Variants in MCM2 observed in about 807,000 individuals in gnomAD.
MCM2 encodes minichromosome maintenance complex component 2.
Under a neutral mutation model 86.4 loss-of-function variants are expected in MCM2, and 49 were observed. The ratio of observed to expected loss-of-function variants is 0.57; its 90% CI spans 0.45 to 0.72. The LOEUF (loss-of-function observed/expected upper bound fraction) is 0.72, where lower values mean the gene tolerates loss of function less well. Among genes scored for constraint, MCM2 ranks in the 30% least tolerant of loss-of-function variants. MCM2 has a pLI of 0.00. For missense variants in MCM2, 1,038 were observed against 1,259.9 expected (o/e 0.82, Z 2.67); for synonymous variants, 475 against 484.6 (o/e 0.98, Z 0.26).
chr3:127,608,530 G>A lies in MCM2; in HGVS notation c.1236+14G>A. On this transcript the variant is annotated intron_variant, in intron 7 of 15. Transcript: ENST00000265056. Reference sequence around the variant, plus strand: ...GGAGACGAGATAGTAAGTGGCCGGGGCAGGCTGGGAGGGAGCCAAGTTGCA... The same window carrying A: ...GGAGACGAGATAGTAAGTGGCCGGGACAGGCTGGGAGGGAGCCAAGTTGCA... The A allele has an allele frequency of 6.2e-7, 1 of 1,613,950 alleles. No homozygotes were observed.
chr3:127,620,795 A>G lies in MCM2; in HGVS notation c.2363A>G (p.Glu788Gly). The G allele has an allele frequency of 6.2e-7, 1 of 1,614,144 alleles. No homozygotes were observed. Among genetic ancestry groups the G allele is most frequent in the African/African-American group, 1.3e-5 (1 of 75,080 alleles). ...ARIHLRDYVI[E>G]DDVNMAIRVM... is the part of the protein sequence containing the mutation. ...ATCCATCTGCGGGACTATGTGATCGAAGACGACGTCAACATGGCCATCCGC... is the reference window on the plus strand; with the variant it reads ...ATCCATCTGCGGGACTATGTGATCGGAGACGACGTCAACATGGCCATCCGC... Residue 788 changes from glutamate to glycine, a missense_variant, in exon 14 of 16, where the codon GAA (glutamate) becomes GGA (glycine). This residue lies in a region of MCM2 where 336 missense variants were observed against 425.7 expected (regional missense o/e 0.79). Coordinates refer to ENST00000265056, the MANE Select transcript of MCM2 (RefSeq NM_004526.4).
rs182889161 is a variant in MCM2 at position 127,605,388 on chromosome 3, A to T, written c.673+232A>T. Among the ~76,000 whole-genome samples, 11 of 151,240 alleles carry T rather than the reference A, an allele frequency of 7.3e-5. No homozygotes were observed. The East Asian group carries it at 1.9e-3, about 27-fold the overall frequency. On this transcript the variant is annotated intron_variant, in intron 4 of 15. Coordinates refer to ENST00000265056, the MANE Select transcript of MCM2 (RefSeq NM_004526.4). ...AAGCTTGAAAATGGACAGATTTTAT[A>T]TAAAAATCTGGATTACTACTTTGAT...
rs772611484 is a variant in MCM2 at position 127,620,764 on chromosome 3, G to A, written c.2332G>A (p.Ala778Thr). Residue 778 changes from alanine to threonine, a missense_variant, in exon 14 of 16, where the codon GCG becomes ACG. Ala to Thr is a moderately conservative substitution (Grantham distance 58). This residue lies in a region of MCM2 where 336 missense variants were observed against 425.7 expected (regional missense o/e 0.79). Coordinates refer to ENST00000265056, the MANE Select transcript of MCM2 (RefSeq NM_004526.4). ...CATGATCCGCATGGCGGAGGCCCAC[G>A]CGCGCATCCATCTGCGGGACTATGT... ...ESMIRMAEAHARIHLRDYVIE... is the reference protein window; with the variant it reads ...ESMIRMAEAHTRIHLRDYVIE... 9.3e-6 allele frequency: 15 copies of A among 1,613,912 alleles called. No individual in the cohort carries two copies. The highest frequency in any genetic ancestry group is 3.3e-5 in the Admixed American group (2 of 59,998).
In MCM2 at chr3:127,617,037, T is replaced by A; in HGVS notation, c.1692T>A (p.Pro564=). 1 of 1,614,186 alleles carries A rather than the reference T, an allele frequency of 6.2e-7. No individual in the cohort carries two copies. The highest frequency in any genetic ancestry group is 1.3e-5 in the African/African-American group (1 of 75,056). The change falls in exon 10 of 16, where the codon CCT becomes CCA. Residue 564 remains proline, a synonymous_variant. Coordinates refer to ENST00000265056, the MANE Select transcript of MCM2 (RefSeq NM_004526.4). The surrounding 1 kb of genome is among the most constrained non-coding windows in gnomAD (Gnocchi z 4.1). ...VGLTAYVQRH[P]VSREWTLEAG... is the part of the protein sequence containing the mutation. ...TCACGGCGTATGTCCAGCGGCACCCTGTCAGCAGGGAGTGGACCTTGGAGG... is the reference window on the plus strand; with the variant it reads ...TCACGGCGTATGTCCAGCGGCACCCAGTCAGCAGGGAGTGGACCTTGGAGG...
Position 127,617,582 on chromosome 3 carries a change from A to G in MCM2, c.1900+177A>G, listed in dbSNP as rs528153553. On this transcript the variant is annotated intron_variant, in intron 11 of 15. Coordinates refer to ENST00000265056, the MANE Select transcript of MCM2 (RefSeq NM_004526.4). The surrounding 1 kb of genome is among the most constrained non-coding windows in gnomAD (Gnocchi z 4.1). Reference sequence around the variant, plus strand: ...GGGAACAGTGAAAGTGGGACCTGGGACACCTGGGTTTCCTGTTGAGTCATG... The same window carrying G: ...GGGAACAGTGAAAGTGGGACCTGGGGCACCTGGGTTTCCTGTTGAGTCATG... 1.3e-6 allele frequency: 1 copy of G among 784,340 alleles called. No homozygotes were observed. The allele number at this position is 784,340 out of a possible 1,614,324, so 48.6% of individuals were successfully genotyped here.
At position 127,617,019 on chromosome 3, in the gene MCM2, G is replaced by C. The variant is rs376837416; in HGVS notation, c.1674G>C (p.Ala558=). The C allele has an allele frequency of 6.2e-7, 1 of 1,614,080 alleles. No homozygotes were observed. Among genetic ancestry groups the C allele is most frequent in the African/African-American group, 1.3e-5 (1 of 74,948 alleles). ...GQGASAVGLT[A]YVQRHPVSRE... ...GGGCGTCGGCTGTGGGCCTCACGGCGTATGTCCAGCGGCACCCTGTCAGCA... is the reference window on the plus strand; with the variant it reads ...GGGCGTCGGCTGTGGGCCTCACGGCCTATGTCCAGCGGCACCCTGTCAGCA... Residue 558 remains alanine (A), a synonymous_variant, in exon 10 of 16, where the codon GCG becomes GCC. Coordinates refer to ENST00000265056, the MANE Select transcript of MCM2 (RefSeq NM_004526.4). This position sits in a 1 kb window ranked among gnomAD's most constrained non-coding sequence, Gnocchi z 4.1.
intron 8 of MCM2, among the ~76,000 whole-genome samples, chr3:127,610,087 G>C (rs1222876610): frequency 6.6e-6 from 1 of 151,782 alleles, no homozygotes; most frequent in South Asian, 2.1e-4. Flanking sequence ...CAGGTGATCC[G>C]CTTGCCTCAG....
chr3:127,609,502 G>T (rs1223847690), intron 8 of MCM2, among the ~76,000 whole-genome samples: 3 of 151,966 alleles, frequency 2.0e-5, no homozygotes, highest in Admixed American at 1.3e-4. Flanking sequence ...ATGGAGATGG[G>T]GTCTCACTAC....
intron 8 of MCM2, chr3:127,611,082 A>T (rs1026457775): frequency 2.4e-6 from 1 of 412,454 alleles, no homozygotes. Flanking sequence ...GTAGTTTTAC[A>T]TGCGAGGAAG....
rs571251080 is a variant in MCM2 at position 127,620,232 on chromosome 3, A to C, written c.2266-466A>C. Among the ~76,000 whole-genome samples the C allele has an allele frequency of 2.6e-5, 4 of 152,350 alleles. No homozygotes were observed. In the South Asian group the frequency reaches 8.3e-4, roughly 32 times the overall value. On this transcript the variant is annotated intron_variant, in intron 13 of 15. Transcript: ENST00000265056. ...CCATGGGAATGCCGAGTCCTTGTAG[A>C]TTGCTGCCTCAGCCACACCCAGTCA...
intron 2 of MCM2, among the ~76,000 whole-genome samples, chr3:127,600,775 G>T (rs1027233511): frequency 6.6e-6 from 1 of 150,530 alleles, no homozygotes; most frequent in Admixed American, 6.6e-5. Context: ...CTTTCTCTTT[G>T]CTTCTCTGAG....
At position 127,621,707 on chromosome 3, in the gene MCM2, T is replaced by A; in HGVS notation, c.2649T>A (p.Ser883Arg). 6.2e-7 allele frequency: 1 copy of A among 1,614,146 alleles called. No individual in the cohort carries two copies. Residue 883 changes from serine (S) to arginine (R), a missense_variant, in exon 16 of 16, where the codon AGT becomes AGA. By Grantham distance (110) the Ser-to-Arg change is moderately radical. This residue lies in a region of MCM2 where 336 missense variants were observed against 425.7 expected (regional missense o/e 0.79). Coordinates refer to ENST00000265056, the MANE Select transcript of MCM2 (RefSeq NM_004526.4). Reference protein sequence around the residue: ...NIHNLSAFYDSELFRMNKFSH... With the variant: ...NIHNLSAFYDRELFRMNKFSH... ...ACAACCTCTCTGCATTTTATGACAG[T>A]GAGCTCTTCAGGATGAACAAGTTCA...
intron 2 of MCM2, chr3:127,604,175 G>A (rs923351029): frequency 3.0e-5 from 5 of 168,832 alleles, no homozygotes; most frequent in Non-Finnish European, 1.3e-5. Context: ...ATCCACAAAA[G>A]TCTTTTCAGT....
chr3:127,615,943 C>A lies in MCM2; in HGVS notation c.1510C>A (p.Pro504Thr), dbSNP rs150403449. Residue 504 changes from proline (P) to threonine (T), a missense_variant, in exon 9 of 16, where the codon CCC (proline) becomes ACC (threonine). By Grantham distance (38) the Pro-to-Thr change is conservative. Around this residue, in one of 4 missense-constraint regions of MCM2, gnomAD observed 399 missense variants for 507.2 expected, o/e 0.79. Coordinates refer to ENST00000265056, the MANE Select transcript of MCM2 (RefSeq NM_004526.4). ...GLALALFGGEPKNPGGKHKVR... is the reference protein window; with the variant it reads ...GLALALFGGETKNPGGKHKVR... ...GGCTCTGGCCCTGTTCGGAGGGGAG[C>A]CCAAAAACCCAGGTGAGCACCCACC... The A allele has an allele frequency of 2.9e-4, 476 of 1,613,864 alleles. 2 individuals carry two copies. Among genetic ancestry groups the A allele is most frequent in the Non-Finnish European group, 3.7e-4 (432 of 1,179,900 alleles).
rs184830528 is a variant in MCM2, at chr3:127,606,479, G to C, written c.894-131G>C. ...TCGCAGGTGAGTTGTGGTTGCACAGGAGTGTGATGGGAGGGATCTTCCCGG... is the reference window on the plus strand; with the variant it reads ...TCGCAGGTGAGTTGTGGTTGCACAGCAGTGTGATGGGAGGGATCTTCCCGG... On this transcript the variant is annotated intron_variant, in intron 5 of 15. Transcript: ENST00000265056. This position sits in a 1 kb window ranked among gnomAD's most constrained non-coding sequence, Gnocchi z 4.2. 2 of 1,166,944 alleles carry C rather than the reference G, an allele frequency of 1.7e-6. No homozygotes were observed. Among genetic ancestry groups the C allele is most frequent in the Non-Finnish European group, 2.5e-6 (2 of 810,688 alleles). The allele number at this position is 1,166,944 out of a possible 1,614,324, so 72.3% of individuals were successfully genotyped here. A position where few individuals can be genotyped will look rare whatever the true frequency, so the allele number is the denominator to read the frequency against.
chr3:127,608,544 A>G (rs756417556), intron 7 of MCM2, 28 bp downstream of exon 7: 3 of 1,612,660 alleles, frequency 1.9e-6, no homozygotes, highest in African/African-American at 1.3e-5. Context: ...GCTGGGAGGG[A>G]GCCAAGTTGC....
Position 127,599,425 on chromosome 3 carries a change from C to T in MCM2, c.114C>T (p.Leu38=). 2 of 1,614,188 alleles carry T rather than the reference C, an allele frequency of 1.2e-6. No homozygotes were observed. Among genetic ancestry groups the T allele is most frequent in the Non-Finnish European group, 1.7e-6 (2 of 1,180,050 alleles). ...GAAGCTCCCGGCGTACTGATGCCCT[C>T]ACCTCCAGCCCTGGCCGTGACCTTC... ...PGRSSRRTDA[L]TSSPGRDLPP... is the part of the protein sequence containing the mutation. Residue 38 remains leucine (L), a synonymous_variant, in exon 2 of 16, where the codon CTC becomes CTT. Transcript: ENST00000265056.
intron 2 of MCM2, among the ~76,000 whole-genome samples, chr3:127,603,128 GT>G (rs1462333094): frequency 1.3e-5 from 2 of 151,368 alleles, no homozygotes; most frequent in African/African-American, 4.9e-5. Context: ...AGCTTCCCAA[GT>G]AGCTGGGACT....
In MCM2 at chr3:127,622,295, G is replaced by A. The variant is rs1013681341; in HGVS notation, c.*522G>A. The A allele has an allele frequency of 2.0e-5, 3 of 152,624 alleles. No homozygotes were observed. The highest frequency in any genetic ancestry group is 2.0e-4 in the Admixed American group (3 of 15,298). 9.5% of individuals were successfully genotyped at this position (152,624 alleles called of 1,614,324 possible). On this transcript the variant is annotated 3_prime_UTR_variant, in exon 16 of 16. Coordinates refer to ENST00000265056, the MANE Select transcript of MCM2 (RefSeq NM_004526.4). ...CGTTCTGGGCTCCTCAGTCGCAGGG[G>A]TGGGATGTGAGTCATGCGGATTATC...
Sources: allele counts gnomAD v4.1 joint callset (sites outside exome capture counted in the v4.1 genomes callset), GRCh38; gene constraint gnomAD v4.1.1; regional missense constraint gnomAD v4.1.1; non-coding constraint Gnocchi (gnomAD v3.1); transcripts MANE v1.5; gene names NCBI Gene and HGNC (gene_info 2026-07-23, HGNC 2026-07-21).